Variants in ERGIC3 observed in about 807,000 individuals in gnomAD.
ERGIC3 encodes the protein endoplasmic reticulum-Golgi intermediate compartment protein 3.
ERGIC3 carries 33 observed loss-of-function variants against 54.7 expected under a neutral mutation model. That is an observed-to-expected ratio of 0.60 (90% CI 0.46 to 0.81). The LOEUF (loss-of-function observed/expected upper bound fraction) is 0.81, where lower values mean the gene tolerates loss of function less well. ERGIC3 is among the 30% of genes least tolerant of loss of function. ERGIC3 has a pLI of 0.00. For missense variants in ERGIC3, 399 were observed against 488.4 expected, an observed-to-expected ratio of 0.82 and a Z score of 1.73; for synonymous variants, 186 against 189.8, an observed-to-expected ratio of 0.98 and a Z score of 0.16.
chr20:35,551,004 A>G (rs985720722), intron 7 of ERGIC3, among the ~76,000 whole-genome samples: 3 of 152,080 alleles, frequency 2.0e-5, no homozygotes, highest in African/African-American at 7.2e-5. Flanking sequence ...AAAGTTTTGT[A>G]CCTGAGTAGT....
At chr20:35,555,804 C>A (rs2147310929) in intron 8 of ERGIC3, among the ~76,000 whole-genome samples, 1 of 142,860 alleles carries the variant, frequency 7.0e-6, no homozygotes, top group South Asian at 2.3e-4. Context: ...CAGAGTGAGA[C>A]CTTGTCTCAA....
chr20:35,546,580 G>C (rs577945765), intron 4 of ERGIC3, among the ~76,000 whole-genome samples: 1 of 152,256 alleles, frequency 6.6e-6, no homozygotes, highest in East Asian at 1.9e-4. Flanking sequence ...ATGGAACCAG[G>C]GTGTGGGTTT....
At chr20:35,542,297 T>A in intron 1 of ERGIC3, 26 bp from the exon 2 acceptor site, 3 of 1,613,960 alleles carry the variant, frequency 1.9e-6, no homozygotes, top group Non-Finnish European at 2.5e-6. Flanking sequence ...TCGAGGCCAT[T>A]CTGACCCTCG....
In ERGIC3 at chr20:35,542,110, G is replaced by A. The variant is rs755143723; in HGVS notation, c.13G>A (p.Gly5Arg). ...CCGGCCGGTCCCCATGGAGGCGCTG[G>A]GGAAGCTGAAGCAGTTCGATGCCTA... MEAL[G>R]KLKQFDAYPK... The change falls in exon 1 of 13, where the codon GGG (glycine) becomes AGG (arginine). Residue 5 changes from glycine (G) to arginine (R), a missense_variant. Transcript: ENST00000348547. The A allele has an allele frequency of 3.9e-6, 6 of 1,552,412 alleles. No individual in the cohort carries two copies. Among genetic ancestry groups the A allele is most frequent in the African/African-American group, 2.7e-5 (2 of 73,112 alleles).
rs752816903 is a variant in ERGIC3, at chr20:35,542,374, A to G, written c.140A>G (p.Gln47Arg). ...LMLLLFLSEL[Q>R]YYLTTEVHPE... ...CTGCTACTGTTCCTGTCCGAGCTGC[A>G]GTATTACCTCACCACGGAGGTAAGG... The change falls in exon 2 of 13, where the codon CAG (glutamine) becomes CGG (arginine). Residue 47 changes from glutamine to arginine, a missense_variant. Transcript: ENST00000348547. 5 of 1,613,668 alleles carry G rather than the reference A, an allele frequency of 3.1e-6. No individual in the cohort carries two copies. Among genetic ancestry groups the G allele is most frequent in the African/African-American group, 1.3e-5 (1 of 74,824 alleles).
At chr20:35,556,344 C>T in intron 10 of ERGIC3, 73 bp downstream of exon 10, 1 of 1,523,992 alleles carries the variant, frequency 6.6e-7, no homozygotes, top group South Asian at 1.1e-5. Context: ...TTCGTTCCGT[C>T]AGCCTGGGGA....
Position 35,542,615 on chromosome 20 carries a change from A to G in ERGIC3, c.247+15A>G, listed in dbSNP as rs774986456. The G allele has an allele frequency of 1.2e-6, 2 of 1,613,544 alleles. No individual in the cohort carries two copies. Among genetic ancestry groups the G allele is most frequent in the African/African-American group, 1.3e-5 (1 of 74,856 alleles). ...GCCTTGTGCCTGTGAGTACCTCACCATGGGTGGGACTGGAGAGACCCAGGG... is the reference window on the plus strand; with the variant it reads ...GCCTTGTGCCTGTGAGTACCTCACCGTGGGTGGGACTGGAGAGACCCAGGG... On this transcript the variant is annotated intron_variant, in intron 3 of 12. Coordinates refer to ENST00000348547, the MANE Select transcript of ERGIC3 (RefSeq NM_015966.3).
chr20:35,547,047 C>T (rs17092769), intron 4 of ERGIC3, among the ~76,000 whole-genome samples: 2,417 of 152,200 alleles, frequency 0.016, 52 homozygotes, highest in African/African-American at 0.055. Flanking sequence ...TCTGTTTCCT[C>T]GGTTGCATTG....
In ERGIC3 at chr20:35,547,473, G is replaced by C. The variant is rs1462371685; in HGVS notation, c.429G>C (p.Glu143Asp). 1 of 1,614,004 alleles carries C rather than the reference G, an allele frequency of 6.2e-7. No homozygotes were observed. The highest frequency in any genetic ancestry group is 1.3e-5 in the African/African-American group (1 of 74,910). The change falls in exon 5 of 13, where the codon GAG (glutamate) becomes GAC (aspartate). Residue 143 changes from glutamate (E) to aspartate (D), a missense_variant. Transcript: ENST00000348547. ...DPDSLDPDRC[E>D]SCYGAEAEDI... ...ACTCCCTGGACCCTGATCGCTGTGA[G>C]AGCTGCTATGGTGCTGAGGCAGAAG...
intron 7 of ERGIC3, chr20:35,549,356 ATG>A (rs1601363903): frequency 2.5e-6 from 1 of 396,700 alleles, no homozygotes; most frequent in Non-Finnish European, 5.2e-6. Context: ...CTTCTGTAAA[ATG>A]GGGATGATGA....
Position 35,556,993 on chromosome 20 carries a change from C to A in ERGIC3, c.900C>A (p.Phe300Leu), listed in dbSNP as rs747827771. The A allele has an allele frequency of 8.7e-6, 14 of 1,614,222 alleles. No homozygotes were observed. The highest frequency in any genetic ancestry group is 1.2e-5 in the Non-Finnish European group (14 of 1,180,034). ...CCCAGGTACTGAGGACAAATCAGTT[C>A]TCTGTGACCAGACATGAGAAGGTTG... ...VDGEVLRTNQFSVTRHEKVAN... is the reference protein window; with the variant it reads ...VDGEVLRTNQLSVTRHEKVAN... Residue 300 changes from phenylalanine (F) to leucine (L), a missense_variant, in exon 11 of 13, where the codon TTC (phenylalanine) becomes TTA (leucine). Phe to Leu is a conservative substitution (Grantham distance 22). Coordinates refer to ENST00000348547, the MANE Select transcript of ERGIC3 (RefSeq NM_015966.3).
chr20:35,551,456 TAAG>T (rs796254710), intron 7 of ERGIC3, among the ~76,000 whole-genome samples: 8 of 152,066 alleles, frequency 5.3e-5, no homozygotes, highest in African/African-American at 1.9e-4. Context: ...AGGTGTCAAG[TAAG>T]TTTTCCATTC....
rs1312846552 is a variant in ERGIC3 at position 35,556,116 on chromosome 20, C to T, written c.801C>T (p.Val267=). The T allele has an allele frequency of 1.7e-5, 27 of 1,614,204 alleles. No individual in the cohort carries two copies. Among genetic ancestry groups the T allele is most frequent in the Non-Finnish European group, 2.2e-5 (26 of 1,180,036 alleles). ...GIVNPLDHTN[V]TAPQASMMFQ... is the part of the protein sequence containing the mutation. ...TGAACCCCCTGGACCACACCAATGT[C>T]ACTGCGCCCCAAGGTACCAGCCCGG... Residue 267 remains valine, a synonymous_variant, in exon 9 of 13, where the codon GTC becomes GTT. Coordinates refer to ENST00000348547, the MANE Select transcript of ERGIC3 (RefSeq NM_015966.3).
Position 35,548,632 on chromosome 20 carries a change from G to A in ERGIC3, c.585G>A (p.Lys195=), listed in dbSNP as rs2147305944. ...EGFSQKMQEQ[K]NEGCQVYGFL... ...TCAGCCAGAAGATGCAGGAGCAGAA[G>A]AATGAAGGCTGCCAGGTGTATGGCT... is the stretch of plus-strand genomic sequence containing the variant. The change falls in exon 6 of 13, where the codon AAG becomes AAA. Residue 195 remains lysine (K), a synonymous_variant. Coordinates refer to ENST00000348547, the MANE Select transcript of ERGIC3 (RefSeq NM_015966.3). 1 of 1,614,252 alleles carries A rather than the reference G, an allele frequency of 6.2e-7. No homozygotes were observed. The highest frequency in any genetic ancestry group is 2.2e-5 in the East Asian group (1 of 44,886).
chr20:35,551,754 C>T (rs1212796303), intron 7 of ERGIC3, among the ~76,000 whole-genome samples: 3 of 152,156 alleles, frequency 2.0e-5, no homozygotes, highest in Admixed American at 6.5e-5. Context: ...GGATGTCAAG[C>T]GGGAATTGAC....
chr20:35,556,905 G>T (rs769511767), intron 10 of ERGIC3, 68 bp from the exon 11 acceptor site: 14 of 1,604,510 alleles, frequency 8.7e-6, no homozygotes, highest in African/African-American at 2.7e-5. Context: ...AGGAGCAGGG[G>T]TGGGGCTGAT....
At position 35,557,175 on chromosome 20, in the gene ERGIC3, C is replaced by T. The variant is rs200258928; in HGVS notation, c.1017-19C>T. 85 of 1,614,206 alleles carry T rather than the reference C, an allele frequency of 5.3e-5. No individual in the cohort carries two copies. In the Admixed American group the frequency reaches 8.3e-4, roughly 16 times the overall value. ...GAGGGAGGAGGATGCCTGCTGAGCC[C>T]ACCCTCTCCTTCTACCAGGTCCTTC... is the stretch of plus-strand genomic sequence containing the variant. On this transcript the variant is annotated intron_variant, in intron 11 of 12. Coordinates refer to ENST00000348547, the MANE Select transcript of ERGIC3 (RefSeq NM_015966.3).
chr20:35,546,614 G>A (rs1439095434), intron 4 of ERGIC3, among the ~76,000 whole-genome samples: 4 of 152,166 alleles, frequency 2.6e-5, no homozygotes, highest in Non-Finnish European at 2.9e-5. Flanking sequence ...AATGAAAGAC[G>A]AGAGGAACAG....
At chr20:35,554,399 G>GC (rs2064699968) in intron 7 of ERGIC3, 1 of 1,613,960 alleles carries the variant, frequency 6.2e-7, no homozygotes, top group South Asian at 1.1e-5. Context: ...AAGTGGCCCT[G>GC]CCCCCATGGA....
Sources: gnomAD v4.1 joint callset for allele counts (sites outside exome capture counted in the v4.1 genomes callset) on GRCh38, gnomAD v4.1.1 for gene constraint, MANE v1.5 for transcripts, NCBI Gene and HGNC (gene_info 2026-07-23, HGNC 2026-07-21) for gene names.